RABGAP1L: variants seen among roughly 807,000 people sequenced by gnomAD.
The protein encoded by RABGAP1L is rab GTPase-activating protein 1-like.
In RABGAP1L, 63 loss-of-function variants were observed where a neutral mutation model predicts 137.7. That is an observed-to-expected ratio of 0.46 (90% CI 0.37 to 0.56). The LOEUF is 0.56. Among genes scored for constraint, RABGAP1L ranks in the 20% least tolerant of loss-of-function variants. RABGAP1L has a pLI of 0.00. For synonymous variants in RABGAP1L, 431 were observed against 433.7 expected (o/e 0.99, Z 0.08); for missense variants, 1,095 against 1,244.0 (o/e 0.88, Z 1.80).
chr1:174,816,260 C>G (rs940663353), intron 19 of RABGAP1L, among the ~76,000 whole-genome samples: 1 of 142,898 alleles, frequency 7.0e-6, no homozygotes, highest in African/African-American at 2.6e-5. Context: ...TCAAGCAATT[C>G]TCCTGCTTCA....
intron 19 of RABGAP1L, among the ~76,000 whole-genome samples, chr1:174,868,802 C>A (rs1651716874): frequency 6.6e-6 from 1 of 152,090 alleles, no homozygotes; most frequent in African/African-American, 2.4e-5. Flanking sequence ...CAACGCCCCA[C>A]CCAGGCCTCC....
intron 19 of RABGAP1L, among the ~76,000 whole-genome samples, chr1:174,824,684 A>G (rs894057559): frequency 2.0e-5 from 3 of 152,074 alleles, no homozygotes; most frequent in Non-Finnish European, 2.9e-5. Context: ...AATTTTTCAT[A>G]TTTTCATTTC....
rs115756751 is a variant in RABGAP1L, at chr1:174,261,160, C to T, written c.986+8570C>T. On this transcript the variant is annotated intron_variant, in intron 7 of 25. Coordinates refer to ENST00000681986, the MANE Select transcript of RABGAP1L (RefSeq NM_001366446.1). ...TAACCAGAATGAAGTAGTGATACAG[C>T]AAGCAGAATATAATGATTAGAGTTG... Among the ~76,000 whole-genome samples the T allele has an allele frequency of 9.9e-3, 1,510 of 152,036 alleles. 25 individuals carry two copies. The highest frequency in any genetic ancestry group is 0.035 in the African/African-American group (1,443 of 41,450).
At chr1:174,534,132 C>CTGTGTGTGTGTGTGTGTGTG in intron 13 of RABGAP1L, among the ~76,000 whole-genome samples, 1 of 132,542 alleles carries the variant, frequency 7.5e-6, no homozygotes, top group South Asian at 2.7e-4. Context: ...GAGGTCAACT[C>CTGTGTGTGTGTGTGTGTGTG]TGTGTGTGTG....
intron 17 of RABGAP1L, among the ~76,000 whole-genome samples, chr1:174,726,697 A>G (rs933896937): frequency 2.0e-5 from 3 of 152,026 alleles, no homozygotes; most frequent in Non-Finnish European, 4.4e-5. Flanking sequence ...TCCTTCTCTT[A>G]TGTATGGTGC....
At chr1:174,187,090 G>A (rs574640841) in intron 1 of RABGAP1L, among the ~76,000 whole-genome samples, 7 of 152,026 alleles carry the variant, frequency 4.6e-5, no homozygotes, top group Non-Finnish European at 8.8e-5. Flanking sequence ...CCCATAACCT[G>A]GAATGATAAT....
intron 11 of RABGAP1L, among the ~76,000 whole-genome samples, chr1:174,331,993 A>C (rs1681074710): frequency 6.6e-6 from 1 of 152,238 alleles, no homozygotes; most frequent in Admixed American, 6.5e-5. Flanking sequence ...CCCAGGCTGG[A>C]GTGCAGTGGT....
At chr1:174,219,323 T>A (rs757776661) in intron 2 of RABGAP1L, 28 bp downstream of exon 2, 28 of 1,409,350 alleles carry the variant, frequency 2.0e-5, no homozygotes, top group Non-Finnish European at 2.6e-5. Context: ...ACATATGGTA[T>A]AATTTTTAAT....
chr1:174,384,241 G>A (rs968983153), intron 12 of RABGAP1L, among the ~76,000 whole-genome samples: 3 of 152,166 alleles, frequency 2.0e-5, no homozygotes, highest in African/African-American at 7.2e-5. Flanking sequence ...ATCATAGGAA[G>A]CATGTCAGTA....
At chr1:174,882,274 A>T (rs1654359462) in intron 19 of RABGAP1L, among the ~76,000 whole-genome samples, 1 of 152,146 alleles carries the variant, frequency 6.6e-6, no homozygotes, top group African/African-American at 2.4e-5. Context: ...CTGTAATTGG[A>T]CTTTGTTGCA....
intron 13 of RABGAP1L, among the ~76,000 whole-genome samples, chr1:174,411,445 A>G (rs2149131204): frequency 6.6e-6 from 1 of 152,090 alleles, no homozygotes; most frequent in Admixed American, 6.6e-5. Context: ...TCATGAAGGG[A>G]TGTTGGATTT....
At chr1:174,915,485 TCTTGCTCTGTCAC>T (rs1473141219) in intron 19 of RABGAP1L, among the ~76,000 whole-genome samples, 2 of 152,186 alleles carry the variant, frequency 1.3e-5, no homozygotes, top group Admixed American at 1.3e-4. Context: ...TTTTAGACAG[TCTTGCTCTGTCAC>T]CAGGCTGGAA....
At chr1:174,785,075 T>C (rs763641022) in intron 18 of RABGAP1L, among the ~76,000 whole-genome samples, 5 of 152,220 alleles carry the variant, frequency 3.3e-5, no homozygotes, top group Non-Finnish European at 5.9e-5. Flanking sequence ...TTTTTGTTTT[T>C]ATTTTTGAGA....
chr1:174,792,989 G>T (rs1454674251), intron 18 of RABGAP1L, among the ~76,000 whole-genome samples: 2 of 152,088 alleles, frequency 1.3e-5, no homozygotes, highest in Non-Finnish European at 2.9e-5. Context: ...AAAATTAGCA[G>T]GGTGTGGTGG....
At chr1:174,695,699 G>C (rs1171267073) in intron 15 of RABGAP1L, among the ~76,000 whole-genome samples, 1 of 152,162 alleles carries the variant, frequency 6.6e-6, no homozygotes, top group East Asian at 1.9e-4. Context: ...GAAAAGTTAA[G>C]TATTTATTCC....
chr1:174,225,892 AG>A (rs1377068869), intron 3 of RABGAP1L, among the ~76,000 whole-genome samples: 4 of 152,118 alleles, frequency 2.6e-5, no homozygotes, highest in Non-Finnish European at 4.4e-5. Flanking sequence ...TTTGGGTTAT[AG>A]GGGCCTCTTT....
chr1:174,314,252 C>T (rs1679154494), intron 11 of RABGAP1L, among the ~76,000 whole-genome samples: 1 of 152,136 alleles, frequency 6.6e-6, no homozygotes, highest in Non-Finnish European at 1.5e-5. Flanking sequence ...TTGTATGTGT[C>T]TAGGAATGTG....
At chr1:174,560,784 T>G (rs553838927) in intron 13 of RABGAP1L, among the ~76,000 whole-genome samples, 2 of 152,272 alleles carry the variant, frequency 1.3e-5, no homozygotes, top group East Asian at 3.9e-4. Context: ...TACTCAGTGT[T>G]TAGCTCCTGA....
At chr1:174,389,470 C>G (rs918009858) in intron 12 of RABGAP1L, among the ~76,000 whole-genome samples, 2 of 152,066 alleles carry the variant, frequency 1.3e-5, no homozygotes, top group South Asian at 4.1e-4. Context: ...TTAGAAATAA[C>G]TCTTTCCCTT....
Sources: allele counts gnomAD v4.1 joint callset (sites outside exome capture counted in the v4.1 genomes callset), GRCh38; gene constraint gnomAD v4.1.1; transcripts MANE v1.5; gene names NCBI Gene and HGNC (gene_info 2026-07-23, HGNC 2026-07-21).